SYT7: variants seen among roughly 807,000 people sequenced by gnomAD.
The protein encoded by SYT7 is synaptotagmin 7.
Under a neutral mutation model 75.1 loss-of-function variants are expected in SYT7, and 29 were observed. That is an observed-to-expected ratio of 0.39 (90% CI 0.29 to 0.53). The LOEUF is 0.53. Among genes scored for constraint, SYT7 ranks in the 20% least tolerant of loss-of-function variants. SYT7 has a pLI of 0.77. For synonymous variants in SYT7, 376 were observed against 401.7 expected (o/e 0.94, Z 0.76); for missense variants, 693 against 953.2 (o/e 0.73, Z 3.59).
intron 7 of SYT7, among the ~76,000 whole-genome samples, chr11:61,536,493 A>G (rs1312628599): frequency 6.6e-6 from 1 of 152,146 alleles, no homozygotes; most frequent in Non-Finnish European, 1.5e-5. Flanking sequence ...CGGCCCTCCC[A>G]GTGGCCCTCT....
intron 1 of SYT7, among the ~76,000 whole-genome samples, chr11:61,558,483 T>TATATACACACACACACACAC (rs1565199244): frequency 1.7e-4 from 24 of 139,426 alleles, no homozygotes; most frequent in African/African-American, 5.5e-4. Context: ...AAAATATATA[T>TATATACACACACACACACAC]ATACACACAC....
At chr11:61,556,068 A>G (rs1286993337) in intron 2 of SYT7, 36 bp downstream of exon 2, 2 of 1,564,142 alleles carry the variant, frequency 1.3e-6, no homozygotes, top group Middle Eastern at 1.7e-4. Context: ...GTGCAGGGCT[A>G]GGCACCACCC....
intron 1 of SYT7, among the ~76,000 whole-genome samples, chr11:61,561,184 A>G (rs1290810192): frequency 2.0e-5 from 3 of 152,206 alleles, no homozygotes; most frequent in Admixed American, 6.5e-5. Flanking sequence ...GACAGGGTTG[A>G]GTGCCACAAC....
chr11:61,532,865 T>C, intron 8 of SYT7, 124 bp downstream of exon 8: 4 of 1,402,308 alleles, frequency 2.9e-6, no homozygotes, highest in Non-Finnish European at 3.8e-6. Flanking sequence ...CCAGGCTGCT[T>C]CTGACCCAGT....
At position 61,524,180 on chromosome 11, in the gene SYT7, TC is replaced by T. The variant is rs1401360017; in HGVS notation, c.1641+182del. ...GGTTCCTTCTTACAGATCGGGTGAG[TC>T]CCCCCAAGTGCCAAGCACCAATGTT... is the stretch of plus-strand genomic sequence containing the variant. On this transcript the variant is annotated intron_variant, in intron 10 of 12. Coordinates refer to ENST00000539008, the MANE Select transcript of SYT7 (RefSeq NM_001365809.2). The surrounding 1 kb of genome is among the most constrained non-coding windows in gnomAD (Gnocchi z 4.1). 6.6e-6 allele frequency among the ~76,000 whole-genome samples: 1 copy of T among 151,656 alleles called. No individual in the cohort carries two copies. Among genetic ancestry groups the T allele is most frequent in the Non-Finnish European group, 1.5e-5 (1 of 67,914 alleles).
At chr11:61,536,510 C>T (rs1167153897) in intron 7 of SYT7, among the ~76,000 whole-genome samples, 1 of 152,208 alleles carries the variant, frequency 6.6e-6, no homozygotes, top group African/African-American at 2.4e-5. Context: ...CTCTGACTGC[C>T]CTGCAGCCCA....
rs181361244 is a variant in SYT7, at chr11:61,554,592, A to G, written c.135+1512T>C. On this transcript the variant is annotated intron_variant, in intron 2 of 12. Transcript: ENST00000539008. ...CTTCTTCCCTAGCCTTCAAATCCAGACAGACAGCAAGACAGCCTAAGGGGC... is the reference window on the plus strand; with the variant it reads ...CTTCTTCCCTAGCCTTCAAATCCAGGCAGACAGCAAGACAGCCTAAGGGGC... 2.2e-3 allele frequency among the ~76,000 whole-genome samples: 329 copies of G among 152,190 alleles called. 2 individuals are homozygous for G. The highest frequency in any genetic ancestry group is 4.8e-3 in the Admixed American group (74 of 15,290).
chr11:61,587,026 T>G, the SYT7 span, among the ~76,000 whole-genome samples: 1 of 152,286 alleles, frequency 6.6e-6, no homozygotes, highest in African/African-American at 2.4e-5. Flanking sequence ...AGAAGCTCTT[T>G]CGCCAACTGT....
Position 61,518,327 on chromosome 11 carries a change from C to T in SYT7, c.*300G>A, listed in dbSNP as rs898458018. 3 of 291,988 alleles carry T rather than the reference C, an allele frequency of 1.0e-5. No individual in the cohort carries two copies. Among genetic ancestry groups the T allele is most frequent in the Non-Finnish European group, 1.9e-5 (3 of 157,796 alleles). The allele number at this position is 291,988 out of a possible 1,614,324, so 18.1% of individuals were successfully genotyped here. ...CCTGGCGGGCCTCTGGAGGGGTCTGCCTGTCTGGCCGTCTGGCTCTCGAGC... is the reference window on the plus strand; with the variant it reads ...CCTGGCGGGCCTCTGGAGGGGTCTGTCTGTCTGGCCGTCTGGCTCTCGAGC... On this transcript the variant is annotated 3_prime_UTR_variant, in exon 13 of 13. Transcript: ENST00000539008.
intron 1 of SYT7, among the ~76,000 whole-genome samples, chr11:61,561,619 T>C (rs1004321172): frequency 1.3e-5 from 2 of 152,276 alleles, no homozygotes; most frequent in Middle Eastern, 3.4e-3. Context: ...TGGTCTCTTG[T>C]TCACCACTGT....
intron 1 of SYT7, among the ~76,000 whole-genome samples, chr11:61,573,353 G>T (rs942434796): frequency 1.1e-4 from 16 of 152,214 alleles, no homozygotes; most frequent in African/African-American, 3.4e-4. Context: ...ATGCCCACCT[G>T]CATCCGGCTA....
intron 1 of SYT7, among the ~76,000 whole-genome samples, chr11:61,570,615 T>G (rs181978989): frequency 4.3e-4 from 66 of 152,306 alleles, no homozygotes; most frequent in African/African-American, 1.5e-3. Flanking sequence ...CTGGTCATTT[T>G]GAGGCCACTG....
In SYT7 at chr11:61,538,003, G is replaced by C. The variant is rs887512941; in HGVS notation, c.1064+141C>G. On this transcript the variant is annotated intron_variant, in intron 7 of 12. Coordinates refer to ENST00000539008, the MANE Select transcript of SYT7 (RefSeq NM_001365809.2). Reference sequence around the variant, plus strand: ...TGGCAGTGCGTGAGGGCACCGGCTGGGGAGGGGGCTTGTCCTTCCGCTCCA... The same window carrying C: ...TGGCAGTGCGTGAGGGCACCGGCTGCGGAGGGGGCTTGTCCTTCCGCTCCA... 3 of 1,293,648 alleles carry C rather than the reference G, an allele frequency of 2.3e-6. No individual in the cohort carries two copies. In the Admixed American group the frequency reaches 7.2e-5, roughly 31 times the overall value. 80.1% of individuals were successfully genotyped at this position (1,293,648 alleles called of 1,614,324 possible). A position where few individuals can be genotyped will look rare whatever the true frequency, so the allele number is the denominator to read the frequency against.
intron 12 of SYT7, 93 bp from the exon 13 acceptor site, chr11:61,518,824 C>T (rs577206169): frequency 2.2e-6 from 2 of 893,070 alleles, no homozygotes. Context: ...CACCATGATA[C>T]CCTAGCCTGT....
chr11:61,546,013 TG>T lies in SYT7; in HGVS notation c.572+17del. On this transcript the variant is annotated intron_variant, in intron 5 of 12. Coordinates refer to ENST00000539008, the MANE Select transcript of SYT7 (RefSeq NM_001365809.2). The surrounding 1 kb of genome is among the most constrained non-coding windows in gnomAD (Gnocchi z 7.6). ...CCTGAGCTCATGGCTCCGGCAGCCATGGGGCGCCATCACTCACTTGGACAAG... is the reference window on the plus strand; with the variant it reads ...CCTGAGCTCATGGCTCCGGCAGCCATGGGCGCCATCACTCACTTGGACAAG... 6.5e-7 allele frequency: 1 copy of T among 1,530,566 alleles called. No individual in the cohort carries two copies. Among genetic ancestry groups the T allele is most frequent in the East Asian group, 2.5e-5 (1 of 40,440 alleles). 94.8% of individuals were successfully genotyped at this position (1,530,566 alleles called of 1,614,324 possible).
intron 1 of SYT7, among the ~76,000 whole-genome samples, chr11:61,574,979 T>C (rs2064029981): frequency 6.6e-6 from 1 of 151,856 alleles, no homozygotes; most frequent in African/African-American, 2.4e-5. Flanking sequence ...CTCCCACCCC[T>C]CATGCCACCC....
intron 6 of SYT7, chr11:61,540,580 G>A (rs2063011980): frequency 2.1e-5 from 21 of 985,566 alleles, no homozygotes; most frequent in Non-Finnish European, 2.4e-5. Context: ...ACAGAGCAGG[G>A]ACAGAGGATG....
intron 1 of SYT7, among the ~76,000 whole-genome samples, chr11:61,574,633 G>A (rs902243338): frequency 2.0e-5 from 3 of 151,780 alleles, no homozygotes; most frequent in Non-Finnish European, 4.4e-5. Context: ...TTGGATGGGG[G>A]TCAGGGATGG....
chr11:61,520,614 C>A (rs566790928), intron 12 of SYT7, among the ~76,000 whole-genome samples: 27 of 151,994 alleles, frequency 1.8e-4, no homozygotes, highest in South Asian at 4.2e-4. Context: ...TGCTTGAGGT[C>A]AGGAGTTCAA....
Sources: gnomAD v4.1 joint callset for allele counts (sites outside exome capture counted in the v4.1 genomes callset) on GRCh38, gnomAD v4.1.1 for gene constraint, Gnocchi (gnomAD v3.1) non-coding constraint, MANE v1.5 for transcripts, NCBI Gene and HGNC (gene_info 2026-07-23, HGNC 2026-07-21) for gene names.